PPP2R5C: variants seen among roughly 807,000 people sequenced by gnomAD.
The protein encoded by PPP2R5C is serine/threonine-protein phosphatase 2A 56 kDa regulatory subunit gamma isoform.
A neutral mutation model predicts 68.9 loss-of-function variants in PPP2R5C; 7 were observed. The ratio of observed to expected loss-of-function variants is 0.10; its 90% confidence interval spans 0.06 to 0.19. PPP2R5C has a LOEUF of 0.19. PPP2R5C is among the 10% of genes least tolerant of loss of function. PPP2R5C has a pLI of 1.00. For synonymous variants in PPP2R5C, 210 were observed against 222.2 expected (o/e 0.95, Z 0.49); for missense variants, 348 against 641.3 (o/e 0.54, Z 4.94).
chr14:101,909,653 G>A, exon 11 of PPP2R5C: 1 of 1,610,572 alleles, frequency 6.2e-7, no homozygotes, highest in East Asian at 2.2e-5. Context: ...AAAGCTATTT[G>A]ATGACTGTAC....
intron 3 of PPP2R5C, among the ~76,000 whole-genome samples, chr14:101,796,312 GA>G (rs1406992432): frequency 6.6e-6 from 1 of 152,182 alleles, no homozygotes; most frequent in Non-Finnish European, 1.5e-5. Flanking sequence ...GCCGCGCAGG[GA>G]ATCTCTGCTT....
chr14:101,898,738 T>C (rs1214851598), intron 8 of PPP2R5C, among the ~76,000 whole-genome samples: 1 of 152,190 alleles, frequency 6.6e-6, no homozygotes, highest in Non-Finnish European at 1.5e-5. Context: ...GATAATGTAA[T>C]AGTACCGTCC....
At chr14:101,871,694 T>G (rs2043427688) in intron 2 of PPP2R5C, among the ~76,000 whole-genome samples, 2 of 152,204 alleles carry the variant, frequency 1.3e-5, no homozygotes, top group South Asian at 4.1e-4. Flanking sequence ...TTTCTCTTCT[T>G]TGTCTGCATT....
intron 3 of PPP2R5C, among the ~76,000 whole-genome samples, chr14:101,788,883 G>A (rs1024605039): frequency 2.0e-5 from 3 of 151,926 alleles, no homozygotes; most frequent in Non-Finnish European, 2.9e-5. Flanking sequence ...TCTGGGTCTT[G>A]TTTTCTGACT....
In PPP2R5C at chr14:101,877,387, G is replaced by A. The variant is rs144335763; in HGVS notation, c.295-4774G>A. ...CCTTTGTTGGGCAGCGTGATTCTGC[G>A]TCTGTGCCTCTGGGTGTGCGCTGGA... On this transcript the variant is annotated intron_variant, in intron 2 of 13. Transcript: ENST00000334743. This position sits in a 1 kb window ranked among gnomAD's most constrained non-coding sequence, Gnocchi z 4.2. 1.4e-3 allele frequency among the ~76,000 whole-genome samples: 208 copies of A among 152,244 alleles called. 5 individuals carry two copies. In the East Asian group the frequency reaches 0.023, roughly 17 times the overall value.
intron 3 of PPP2R5C, among the ~76,000 whole-genome samples, chr14:101,801,149 G>T (rs945695703): frequency 2.0e-5 from 3 of 152,200 alleles, no homozygotes; most frequent in Non-Finnish European, 4.4e-5. Flanking sequence ...CAAGAGTACA[G>T]TAGGGGAATT....
intron 1 of PPP2R5C, among the ~76,000 whole-genome samples, chr14:101,842,787 A>T: frequency 7.0e-6 from 1 of 143,810 alleles, no homozygotes; most frequent in Admixed American, 7.0e-5. Context: ...TTATTAAAAT[A>T]CTGAGTTTTA....
intron 2 of PPP2R5C, among the ~76,000 whole-genome samples, chr14:101,875,515 GC>G (rs1332867606): frequency 1.3e-5 from 2 of 152,162 alleles, no homozygotes; most frequent in East Asian, 3.8e-4. Flanking sequence ...GGTGACTGAT[GC>G]GTGCTTTTCC....
chr14:101,767,803 G>A lies in PPP2R5C; in HGVS notation c.93+4833G>A, dbSNP rs779716457. ...CGGGGAGGATCCATCCCTGGCAGCC[G>A]CAGCCTCAGCTCCCGAGCTTTGGGG... On this transcript the variant is annotated intron_variant, in intron 2 of 14. Transcript: ENST00000328724. Among the ~76,000 whole-genome samples the A allele has an allele frequency of 1.6e-4, 25 of 152,276 alleles. 1 individual carries two copies. The highest frequency in any genetic ancestry group is 4.1e-4 in the South Asian group (2 of 4,830).
chr14:101,762,629 A>C (rs1435955047), intron 1 of PPP2R5C, among the ~76,000 whole-genome samples: 1 of 151,980 alleles, frequency 6.6e-6, no homozygotes, highest in Non-Finnish European at 1.5e-5. Flanking sequence ...TGGATCTCAA[A>C]ATGCCAGAAG....
At chr14:101,804,198 C>T (rs998246922) in intron 3 of PPP2R5C, among the ~76,000 whole-genome samples, 2 of 152,176 alleles carry the variant, frequency 1.3e-5, no homozygotes, top group East Asian at 1.9e-4. Flanking sequence ...GTTAAAATGG[C>T]TTATCCAAAA....
chr14:101,770,517 A>T (rs1308707678), intron 2 of PPP2R5C, among the ~76,000 whole-genome samples: 1 of 152,184 alleles, frequency 6.6e-6, no homozygotes, highest in Non-Finnish European at 1.5e-5. Flanking sequence ...TGGGTGAGAA[A>T]ATCAGATGCT....
In PPP2R5C at chr14:101,913,703, T is replaced by C. The variant is rs2046505864; in HGVS notation, c.1326+1230T>C. ...TATTTGTTTTAAAACATGGTAACAC[T>C]ATAAACCTGGGCAAGTTTATAAGGC... On this transcript the variant is annotated intron_variant, in intron 12 of 13. Coordinates refer to ENST00000334743, the Ensembl canonical transcript of PPP2R5C. This position sits in a 1 kb window ranked among gnomAD's most constrained non-coding sequence, Gnocchi z 4.1. Among the ~76,000 whole-genome samples, 1 of 152,224 alleles carries C rather than the reference T, an allele frequency of 6.6e-6. No individual in the cohort carries two copies. The highest frequency in any genetic ancestry group is 2.4e-5 in the African/African-American group (1 of 41,458).
At position 101,906,714 on chromosome 14, in the gene PPP2R5C, C is replaced by T. The variant is rs1421593300; in HGVS notation, c.1151+185C>T. 1.4e-6 allele frequency: 1 copy of T among 724,910 alleles called. No individual in the cohort carries two copies. Among genetic ancestry groups the T allele is most frequent in the African/African-American group, 1.8e-5 (1 of 55,656 alleles). 44.9% of individuals were successfully genotyped at this position (724,910 alleles called of 1,614,324 possible). On this transcript the variant is annotated intron_variant, in intron 10 of 13. Coordinates refer to ENST00000334743, the Ensembl canonical transcript of PPP2R5C. This position sits in a 1 kb window ranked among gnomAD's most constrained non-coding sequence, Gnocchi z 4.0. ...TTTCTGTGGCCGTTGAATTTACCACCTTATACCTTCATTCCTGCCAGTATA... is the reference window on the plus strand; with the variant it reads ...TTTCTGTGGCCGTTGAATTTACCACTTTATACCTTCATTCCTGCCAGTATA...
chr14:101,838,057 A>G (rs1396986478), intron 1 of PPP2R5C, among the ~76,000 whole-genome samples: 2 of 152,270 alleles, frequency 1.3e-5, no homozygotes, highest in African/African-American at 2.4e-5. Flanking sequence ...TTATTAAATA[A>G]GAATCAAAAG....
rs75681836 is a variant in PPP2R5C at position 101,891,763 on chromosome 14, C to T, written c.690-1237C>T. ...CCTTCCCGCATTGTCCGCTGTGCCG[C>T]GCAGAGTCAGTAATGGAAGACCAAG... On this transcript the variant is annotated intron_variant, in intron 6 of 13. Transcript: ENST00000334743. The surrounding 1 kb of genome is among the most constrained non-coding windows in gnomAD (Gnocchi z 4.9). Among the ~76,000 whole-genome samples, 2,714 of 152,340 alleles carry T rather than the reference C, an allele frequency of 0.018. 51 individuals are homozygous for T. The highest frequency in any genetic ancestry group is 0.04 in the African/African-American group (1,647 of 41,568).
At chr14:101,826,085 C>A (rs1244377122) in intron 1 of PPP2R5C, among the ~76,000 whole-genome samples, 3 of 152,098 alleles carry the variant, frequency 2.0e-5, no homozygotes, top group Non-Finnish European at 4.4e-5. Flanking sequence ...AGATATTTTT[C>A]TCATACTGTG....
At chr14:101,872,919 C>G (rs977402011) in intron 2 of PPP2R5C, among the ~76,000 whole-genome samples, 1 of 150,142 alleles carries the variant, frequency 6.7e-6, no homozygotes, top group Non-Finnish European at 1.5e-5. Context: ...CTCTATTTCT[C>G]TTAATTCTTT....
intron 1 of PPP2R5C, among the ~76,000 whole-genome samples, chr14:101,842,822 C>T (rs1430701219): frequency 1.3e-5 from 2 of 149,936 alleles, no homozygotes; most frequent in African/African-American, 2.5e-5. Flanking sequence ...TTTTTATCTC[C>T]CCACCATTTC....
Sources: allele counts gnomAD v4.1 joint callset (sites outside exome capture counted in the v4.1 genomes callset), GRCh38; gene constraint gnomAD v4.1.1; non-coding constraint Gnocchi (gnomAD v3.1); transcripts MANE v1.5; gene names NCBI Gene and HGNC (gene_info 2026-07-23, HGNC 2026-07-21).